MGMT: variants seen among roughly 807,000 people sequenced by gnomAD.
MGMT encodes methylated-DNA--protein-cysteine methyltransferase.
Under a neutral mutation model 15.9 loss-of-function variants are expected in MGMT, and 14 were observed. The observed-to-expected ratio is 0.88, with a 90% CI of 0.58 to 1.37. MGMT has a LOEUF of 1.37. MGMT is among the 40% of genes most tolerant of loss of function. The pLI is 0.00. For synonymous variants in MGMT, 130 were observed against 118.2 expected (o/e 1.10, Z -0.65); for missense variants, 282 against 268.1 (o/e 1.05, Z -0.36).
chr10:129,739,029 C>T (rs1334676669), intron 3 of MGMT, among the ~76,000 whole-genome samples: 5 of 152,144 alleles, frequency 3.3e-5, no homozygotes, highest in East Asian at 1.9e-4. Context: ...TGTTCCATCA[C>T]GTAAACAGAA....
At chr10:129,591,917 C>T (rs894630711) in intron 2 of MGMT, among the ~76,000 whole-genome samples, 2 of 152,032 alleles carry the variant, frequency 1.3e-5, no homozygotes, top group Admixed American at 6.6e-5. Flanking sequence ...GGTGACAGAG[C>T]GAGACTCCGT....
intron 3 of MGMT, among the ~76,000 whole-genome samples, chr10:129,720,117 C>T (rs2133153620): frequency 6.6e-6 from 1 of 152,274 alleles, no homozygotes; most frequent in African/African-American, 2.4e-5. Context: ...TGGTATAGCC[C>T]CGCAGCTGTT....
intron 2 of MGMT, among the ~76,000 whole-genome samples, chr10:129,652,620 G>T (rs1390318080): frequency 1.3e-5 from 2 of 152,226 alleles, no homozygotes; most frequent in South Asian, 2.1e-4. Context: ...ACACGGTGCT[G>T]TCCCCCGCAG....
chr10:129,692,629 A>G (rs1234985827), intron 2 of MGMT, among the ~76,000 whole-genome samples: 1 of 152,186 alleles, frequency 6.6e-6, no homozygotes, highest in Non-Finnish European at 1.5e-5. Context: ...TGGGGACGCA[A>G]GGGCAGCGAG....
chr10:129,658,368 G>A (rs1268623672), intron 2 of MGMT, among the ~76,000 whole-genome samples: 2 of 152,146 alleles, frequency 1.3e-5, no homozygotes, highest in African/African-American at 2.4e-5. Flanking sequence ...TATAAAATAT[G>A]CATTGAGAGC....
chr10:129,612,856 C>T (rs1040834236), intron 2 of MGMT, among the ~76,000 whole-genome samples: 1 of 152,202 alleles, frequency 6.6e-6, no homozygotes, highest in African/African-American at 2.4e-5. Flanking sequence ...CCTCTTCCGT[C>T]CCCCTCGCCC....
At position 129,663,242 on chromosome 10, in the gene MGMT, C is replaced by T. The variant is rs1847621121; in HGVS notation, c.126-44653C>T. 2.6e-5 allele frequency among the ~76,000 whole-genome samples: 4 copies of T among 152,126 alleles called. No individual in the cohort carries two copies. In the South Asian group the frequency reaches 8.3e-4, roughly 32 times the overall value. On this transcript the variant is annotated intron_variant, in intron 2 of 4. Coordinates refer to ENST00000651593, the MANE Select transcript of MGMT (RefSeq NM_002412.5). Reference sequence around the variant, plus strand: ...GTTAACAAAAACAAGGCCCATCCACCTAGAGACTTAAAACCTATTCTTGAA... The same window carrying T: ...GTTAACAAAAACAAGGCCCATCCACTTAGAGACTTAAAACCTATTCTTGAA...
intron 4 of MGMT, among the ~76,000 whole-genome samples, chr10:129,763,659 T>C (rs1308975940): frequency 1.3e-5 from 2 of 152,250 alleles, no homozygotes; most frequent in Non-Finnish European, 2.9e-5. Flanking sequence ...TAAATGTTTA[T>C]AAAACTAGAT....
At chr10:129,687,834 C>T (rs1299129621) in intron 2 of MGMT, among the ~76,000 whole-genome samples, 1 of 151,962 alleles carries the variant, frequency 6.6e-6, no homozygotes, top group African/African-American at 2.4e-5. Context: ...TCTCCTAATG[C>T]TATCCCTCCC....
intron 3 of MGMT, among the ~76,000 whole-genome samples, chr10:129,723,329 C>T (rs1273161230): frequency 6.6e-6 from 1 of 152,092 alleles, no homozygotes; most frequent in Non-Finnish European, 1.5e-5. Context: ...ATGTCTTTAC[C>T]TCCTCATAGC....
chr10:129,503,240 T>G (rs760267517), intron 1 of MGMT, among the ~76,000 whole-genome samples: 9 of 152,072 alleles, frequency 5.9e-5, no homozygotes, highest in Non-Finnish European at 1.2e-4. Context: ...CACTTGGGGG[T>G]CAGCTACACT....
At chr10:129,706,495 G>A (rs962791207) in intron 2 of MGMT, among the ~76,000 whole-genome samples, 6 of 152,212 alleles carry the variant, frequency 3.9e-5, no homozygotes, top group Non-Finnish European at 7.3e-5. Context: ...CATCCACAGT[G>A]CAGTGACGTT....
intron 1 of MGMT, among the ~76,000 whole-genome samples, chr10:129,488,004 T>TACACACACACACACACACACACAC (rs373298935): frequency 1.6e-4 from 19 of 121,424 alleles, no homozygotes; most frequent in Non-Finnish European, 2.2e-4. Flanking sequence ...CACATAGGTA[T>TACACACACACACACACACACACAC]ACACACACAC....
intron 2 of MGMT, among the ~76,000 whole-genome samples, chr10:129,651,715 C>G (rs1847460693): frequency 6.6e-6 from 1 of 152,066 alleles, no homozygotes; most frequent in Admixed American, 6.5e-5. Flanking sequence ...TGGATTGTCT[C>G]CACAGATGTT....
At chr10:129,551,207 G>A (rs532349576) in intron 2 of MGMT, among the ~76,000 whole-genome samples, 1 of 152,372 alleles carries the variant, frequency 6.6e-6, no homozygotes, top group African/African-American at 2.4e-5. Flanking sequence ...TACATGCAAA[G>A]TGCACTGTGA....
rs1845944373 is a variant in MGMT at position 129,532,632 on chromosome 10, A to G, written c.-12-3609A>G. ...CCTGGCCCTGTCTCTGCACACTCCA[A>G]TGTCTTCCCCTTTGGCTGACGCTTG... On this transcript the variant is annotated intron_variant, in intron 1 of 4. Transcript: ENST00000651593. The surrounding 1 kb of genome is among the most constrained non-coding windows in gnomAD (Gnocchi z 5.3). Among the ~76,000 whole-genome samples, 1 of 151,608 alleles carries G rather than the reference A, an allele frequency of 6.6e-6. No individual in the cohort carries two copies. The highest frequency in any genetic ancestry group is 1.5e-5 in the Non-Finnish European group (1 of 67,902).
At chr10:129,648,572 T>G (rs572336520) in intron 2 of MGMT, among the ~76,000 whole-genome samples, 2 of 152,232 alleles carry the variant, frequency 1.3e-5, no homozygotes, top group Non-Finnish European at 2.9e-5. Flanking sequence ...AGGAAGAAAT[T>G]AAATGATTTT....
intron 1 of MGMT, among the ~76,000 whole-genome samples, chr10:129,525,640 G>A (rs772441086): frequency 3.2e-4 from 49 of 152,070 alleles, no homozygotes; most frequent in Non-Finnish European, 6.6e-4. Flanking sequence ...GGCCGGCTCC[G>A]ATGACAGTAA....
At chr10:129,511,559 A>C (rs745356706) in intron 1 of MGMT, among the ~76,000 whole-genome samples, 16 of 152,202 alleles carry the variant, frequency 1.1e-4, no homozygotes, top group Non-Finnish European at 2.1e-4. Flanking sequence ...CAGAACACTG[A>C]TGGCACCCAA....
Sources: gnomAD v4.1 joint callset for allele counts (sites outside exome capture counted in the v4.1 genomes callset) on GRCh38, gnomAD v4.1.1 for gene constraint, Gnocchi (gnomAD v3.1) non-coding constraint, MANE v1.5 for transcripts, NCBI Gene and HGNC (gene_info 2026-07-23, HGNC 2026-07-21) for gene names.